The following TAS2R1 variants were observed in gnomAD, a reference collection of about 807,000 sequenced individuals.
TAS2R1 encodes taste 2 receptor member 1.
For synonymous variants in TAS2R1, 141 were observed against 134.2 expected (o/e 1.05, Z -0.35); for missense variants, 370 against 353.4 (o/e 1.05, Z -0.38).
chr5:9,707,458 C>T (rs1741639538), intron 1 of TAS2R1, among the ~76,000 whole-genome samples: 1 of 152,138 alleles, frequency 6.6e-6, no homozygotes, highest in Admixed American at 6.5e-5. Flanking sequence ...ACAGCCAGAG[C>T]AAAGTGCTGA....
intron 1 of TAS2R1, among the ~76,000 whole-genome samples, chr5:9,704,415 C>T (rs1319009521): frequency 6.6e-6 from 1 of 151,716 alleles, no homozygotes; most frequent in Non-Finnish European, 1.5e-5. Flanking sequence ...TGAAATAGTT[C>T]CCATGAGCTG....
the TAS2R1 span, among the ~76,000 whole-genome samples, chr5:9,885,521 AT>A: frequency 3.3e-5 from 5 of 152,198 alleles, no homozygotes; most frequent in Admixed American, 3.3e-4. Context: ...CTGATCAAAC[AT>A]TTTTCAGTTA....
the TAS2R1 span, among the ~76,000 whole-genome samples, chr5:9,765,903 G>A: frequency 6.6e-6 from 1 of 152,194 alleles, no homozygotes; most frequent in Non-Finnish European, 1.5e-5. Context: ...TGTGTCAAAT[G>A]TGCATATAGG....
chr5:9,716,853 G>C (rs945633462), upstream of TAS2R1, among the ~76,000 whole-genome samples: 1 of 152,124 alleles, frequency 6.6e-6, no homozygotes, highest in Non-Finnish European at 1.5e-5. Flanking sequence ...AGACGAGGGT[G>C]AGCTAATTCT....
At position 9,706,777 on chromosome 5, in the gene TAS2R1, ACTCCC is replaced by A. The variant is rs1430682482; in HGVS notation, c.-242+5390_-242+5394del. Among the ~76,000 whole-genome samples, 12 of 151,868 alleles carry A rather than the reference ACTCCC, an allele frequency of 7.9e-5. No individual in the cohort carries two copies. The East Asian group carries it at 1.7e-3, about 22-fold the overall frequency. On this transcript the variant is annotated intron_variant, in intron 1 of 2. Transcript: ENST00000506620. ...GAGAGCAGAGAGGAAGGCTTGGTCC[ACTCCC>A]TGGGTGCTGCTGGGGAGGGAGCTGC...
chr5:9,813,665 A>T, the TAS2R1 span, among the ~76,000 whole-genome samples: 1 of 152,212 alleles, frequency 6.6e-6, no homozygotes, highest in Non-Finnish European at 1.5e-5. Context: ...CTGTATTCTA[A>T]CTGATACATA....
chr5:9,668,954 A>G (rs890069852), intron 1 of TAS2R1, among the ~76,000 whole-genome samples: 3 of 152,178 alleles, frequency 2.0e-5, no homozygotes, highest in Non-Finnish European at 4.4e-5. Flanking sequence ...CACCTCAATT[A>G]AAAGGCAGAG....
the TAS2R1 span, among the ~76,000 whole-genome samples, chr5:9,891,332 GA>G: frequency 9.3e-5 from 14 of 151,288 alleles, no homozygotes; most frequent in Admixed American, 2.0e-4. Context: ...TTCATTTTGG[GA>G]AAAAAAAATT....
chr5:9,808,965 G>C, the TAS2R1 span, among the ~76,000 whole-genome samples: 1 of 152,182 alleles, frequency 6.6e-6, no homozygotes, highest in South Asian at 2.1e-4. Context: ...TGCCATCATT[G>C]TCCTGCTAAG....
the TAS2R1 span, among the ~76,000 whole-genome samples, chr5:9,813,135 AG>A: frequency 6.6e-6 from 1 of 152,174 alleles, no homozygotes; most frequent in Admixed American, 6.5e-5. Context: ...CTTTATAAAA[AG>A]GGGGAAATTG....
the TAS2R1 span, among the ~76,000 whole-genome samples, chr5:9,749,451 G>A: frequency 1.3e-5 from 2 of 152,198 alleles, no homozygotes; most frequent in African/African-American, 2.4e-5. Context: ...ATCATGTACA[G>A]CATCTGTACA....
At chr5:9,727,556 A>C in the TAS2R1 span, among the ~76,000 whole-genome samples, 1 of 152,206 alleles carries the variant, frequency 6.6e-6, no homozygotes, top group Admixed American at 6.5e-5. Flanking sequence ...AAAGAAAGAG[A>C]TTCCCCAGAC....
At chr5:9,779,052 C>A in the TAS2R1 span, among the ~76,000 whole-genome samples, 1 of 152,156 alleles carries the variant, frequency 6.6e-6, no homozygotes, top group Non-Finnish European at 1.5e-5. Flanking sequence ...ATGTGACCTG[C>A]AGTGTTGGAG....
the TAS2R1 span, among the ~76,000 whole-genome samples, chr5:9,817,529 A>G: frequency 6.6e-6 from 1 of 152,178 alleles, no homozygotes; most frequent in African/African-American, 2.4e-5. Flanking sequence ...GGTGAGGGCA[A>G]TGTTCTAGTT....
chr5:9,741,498 T>G, the TAS2R1 span, among the ~76,000 whole-genome samples: 2 of 152,200 alleles, frequency 1.3e-5, no homozygotes, highest in African/African-American at 2.4e-5. Context: ...ATGTCTAATG[T>G]TGATATAAAA....
chr5:9,661,099 G>A (rs1000049984), intron 1 of TAS2R1, among the ~76,000 whole-genome samples: 1 of 152,160 alleles, frequency 6.6e-6, no homozygotes, highest in Non-Finnish European at 1.5e-5. Context: ...ATAATTTTTT[G>A]TTGTTTTAAC....
At position 9,638,750 on chromosome 5, in the gene TAS2R1, G is replaced by T. The variant is rs982097909; in HGVS notation, c.-80-8758C>A. ...GGGAAATACCATCAGGTGGAGTCAG[G>T]GTTAGGTGGGTGTGGGCTCAGACTC... is the stretch of plus-strand genomic sequence containing the variant. On this transcript the variant is annotated intron_variant, in intron 2 of 2. Coordinates refer to the TAS2R1 transcript ENST00000506620. Among the ~76,000 whole-genome samples the T allele has an allele frequency of 8.6e-4, 131 of 152,314 alleles. 1 individual carries two copies. Among genetic ancestry groups the T allele is most frequent in the African/African-American group, 2.9e-3 (122 of 41,552 alleles).
intron 2 of TAS2R1, among the ~76,000 whole-genome samples, chr5:9,641,107 T>G (rs1360504666): frequency 1.3e-5 from 2 of 152,160 alleles, no homozygotes; most frequent in African/African-American, 4.8e-5. Context: ...GAGTCTAGGA[T>G]AGCAATACAG....
chr5:9,888,529 G>A, the TAS2R1 span, among the ~76,000 whole-genome samples: 4 of 152,160 alleles, frequency 2.6e-5, no homozygotes, highest in African/African-American at 7.2e-5. Context: ...CATGTATGAA[G>A]AGCCTTCTGC....
Sources: gnomAD v4.1 joint callset for allele counts (sites outside exome capture counted in the v4.1 genomes callset) on GRCh38, gnomAD v4.1.1 for gene constraint, MANE v1.5 for transcripts, NCBI Gene and HGNC (gene_info 2026-07-23, HGNC 2026-07-21) for gene names.